The following ALK variants were observed in gnomAD, a reference collection of about 807,000 sequenced individuals.
The protein encoded by ALK is ALK tyrosine kinase receptor.
A neutral mutation model predicts 163.1 loss-of-function variants in ALK; 74 were observed. The observed-to-expected ratio is 0.45, with a 90% CI of 0.38 to 0.55. The LOEUF is 0.55. ALK is among the 20% of genes least tolerant of loss of function. The pLI is 0.00. For missense variants in ALK, 2,063 were observed against 2,105.3 expected (o/e 0.98, Z 0.39); for synonymous variants, 960 against 843.2 (o/e 1.14, Z -2.40).
intron 15 of ALK, among the ~76,000 whole-genome samples, chr2:29,230,287 A>C (rs1664159305): frequency 1.2e-5 from 1 of 84,164 alleles, no homozygotes; most frequent in Admixed American, 1.4e-4. Context: ...AGACACAATC[A>C]TCTTTTTTTT....
In ALK at chr2:29,717,717, A is replaced by C. The variant is rs1679304541; in HGVS notation, c.668-20T>G. ...TATGACCTGGACATAAAAATAAAGA[A>C]AACACTGATCCATGTGCTTGGGGTG... On this transcript the variant is annotated intron_variant, in intron 1 of 28. Coordinates refer to ENST00000389048, the MANE Select transcript of ALK (RefSeq NM_004304.5). 6.2e-7 allele frequency: 1 copy of C among 1,613,926 alleles called. No homozygotes were observed.
At chr2:29,588,999 TATC>T (rs1161714530) in intron 3 of ALK, among the ~76,000 whole-genome samples, 1 of 152,124 alleles carries the variant, frequency 6.6e-6, no homozygotes, top group Non-Finnish European at 1.5e-5. Flanking sequence ...ATACATTGGG[TATC>T]ATCATCATCA....
chr2:29,544,772 T>A (rs1279207599), intron 3 of ALK, among the ~76,000 whole-genome samples: 1 of 152,020 alleles, frequency 6.6e-6, no homozygotes, highest in Non-Finnish European at 1.5e-5. Flanking sequence ...ACTGCACTGG[T>A]CTCGCTACCT....
At chr2:29,863,083 C>CT (rs780268722) in intron 1 of ALK, among the ~76,000 whole-genome samples, 15 of 152,158 alleles carry the variant, frequency 9.9e-5, no homozygotes, top group Non-Finnish European at 2.1e-4. Context: ...TAAATTGGAT[C>CT]TTTATCTCGC....
intron 3 of ALK, among the ~76,000 whole-genome samples, chr2:29,656,964 C>G (rs1444121884): frequency 1.3e-5 from 2 of 152,178 alleles, no homozygotes; most frequent in Non-Finnish European, 2.9e-5. Flanking sequence ...TGCTTCCTCA[C>G]TTTTTCCTCC....
At chr2:29,543,864 T>C (rs1399123757) in intron 3 of ALK, among the ~76,000 whole-genome samples, 3 of 152,202 alleles carry the variant, frequency 2.0e-5, no homozygotes, top group Non-Finnish European at 4.4e-5. Flanking sequence ...TAGTTCTCTA[T>C]TTAATATAAC....
chr2:29,413,712 T>G (rs1346548446), intron 4 of ALK, among the ~76,000 whole-genome samples: 1 of 152,094 alleles, frequency 6.6e-6, no homozygotes, highest in Non-Finnish European at 1.5e-5. Context: ...TTTATATATT[T>G]AGTAGAGACA....
intron 1 of ALK, among the ~76,000 whole-genome samples, chr2:29,763,354 C>A (rs1558477494): frequency 6.6e-6 from 1 of 152,158 alleles, no homozygotes. Flanking sequence ...CCAACATTCT[C>A]CTTCTAGTCA....
intron 3 of ALK, among the ~76,000 whole-genome samples, chr2:29,690,898 A>G (rs1267970161): frequency 6.6e-6 from 1 of 152,170 alleles, no homozygotes; most frequent in Non-Finnish European, 1.5e-5. Context: ...ACTACATAAT[A>G]CTAAAGGCAA....
intron 5 of ALK, among the ~76,000 whole-genome samples, chr2:29,335,672 T>C (rs1558679931): frequency 6.6e-6 from 1 of 152,106 alleles, no homozygotes; most frequent in Non-Finnish European, 1.5e-5. Flanking sequence ...GGGAGTCACT[T>C]GGGAAGTAAG....
intron 5 of ALK, among the ~76,000 whole-genome samples, chr2:29,340,652 TA>T (rs991997790): frequency 6.6e-5 from 10 of 152,206 alleles, no homozygotes; most frequent in African/African-American, 2.4e-4. Context: ...CTCAAGGCTT[TA>T]TGAGCGTTAT....
chr2:29,819,121 T>C (rs1664974366), intron 1 of ALK, among the ~76,000 whole-genome samples: 2 of 152,184 alleles, frequency 1.3e-5, no homozygotes, highest in South Asian at 2.1e-4. Context: ...AGGGAGCCTG[T>C]TATAAATAAA....
At chr2:29,280,457 G>A (rs927060486) in intron 9 of ALK, among the ~76,000 whole-genome samples, 2 of 151,608 alleles carry the variant, frequency 1.3e-5, no homozygotes, top group South Asian at 4.2e-4. Flanking sequence ...CTCTGGGACC[G>A]GGGGTTAGTT....
At chr2:29,909,312 C>T (rs546102485) in intron 1 of ALK, among the ~76,000 whole-genome samples, 4 of 152,280 alleles carry the variant, frequency 2.6e-5, no homozygotes, top group Non-Finnish European at 5.9e-5. Flanking sequence ...GAGGCATTTA[C>T]CAGACTCTGA....
rs2148139024 is a variant in ALK, at chr2:29,193,872, C to G, written c.4215G>C (p.Val1405=). 1 of 1,614,032 alleles carries G rather than the reference C, an allele frequency of 6.2e-7. No homozygotes were observed. Among genetic ancestry groups the G allele is most frequent in the Non-Finnish European group, 8.5e-7 (1 of 1,179,988 alleles). ...TCACAGGCACTTTCTCTTCCTCTTCCACAAGTGGACCATATTCTATCGGCA... is the reference window on the plus strand; with the variant it reads ...TCACAGGCACTTTCTCTTCCTCTTCGACAAGTGGACCATATTCTATCGGCA... ...TALPIEYGPL[V]EEEEKVPVRP... The change falls in exon 29 of 29, where the codon GTG becomes GTC. Residue 1405 remains valine, a synonymous_variant. Transcript: ENST00000389048.
chr2:29,266,111 G>T (rs1225981743), intron 11 of ALK, among the ~76,000 whole-genome samples: 2 of 152,216 alleles, frequency 1.3e-5, no homozygotes, highest in Admixed American at 6.5e-5. Context: ...TTGTTTTCAA[G>T]ATCTTGATAA....
intron 11 of ALK, among the ~76,000 whole-genome samples, chr2:29,256,128 G>A (rs942368147): frequency 3.9e-5 from 6 of 152,198 alleles, no homozygotes; most frequent in Admixed American, 6.5e-5. Flanking sequence ...AAGTGAGCAG[G>A]TCTAAAACCA....
intron 1 of ALK, among the ~76,000 whole-genome samples, chr2:29,849,038 C>G (rs1214551734): frequency 1.3e-5 from 2 of 152,196 alleles, no homozygotes; most frequent in Admixed American, 1.3e-4. Flanking sequence ...CCCTGACCTT[C>G]TGACTTACAC....
intron 6 of ALK, among the ~76,000 whole-genome samples, chr2:29,323,438 G>A (rs1051451397): frequency 6.6e-6 from 1 of 152,186 alleles, no homozygotes; most frequent in Non-Finnish European, 1.5e-5. Flanking sequence ...TCTGTCTCTG[G>A]AATCCCATTC....
Sources: gnomAD v4.1 joint callset for allele counts (sites outside exome capture counted in the v4.1 genomes callset) on GRCh38, gnomAD v4.1.1 for gene constraint, MANE v1.5 for transcripts, NCBI Gene and HGNC (gene_info 2026-07-23, HGNC 2026-07-21) for gene names.